Variants in PLA2G4A observed in about 807,000 individuals in gnomAD.
The protein encoded by PLA2G4A is cytosolic phospholipase A2.
In PLA2G4A, 40 loss-of-function variants were observed where a neutral mutation model predicts 81.9. The observed-to-expected ratio is 0.49, with a 90% CI of 0.38 to 0.64. PLA2G4A has a LOEUF of 0.64. PLA2G4A is among the 30% of genes least tolerant of loss of function. The pLI is 0.00. For synonymous variants in PLA2G4A, 302 were observed against 296.9 expected (o/e 1.02, Z -0.18); for missense variants, 715 against 905.1 (o/e 0.79, Z 2.69).
chr1:186,945,775 T>C (rs1026143175), intron 10 of PLA2G4A, among the ~76,000 whole-genome samples: 3 of 152,264 alleles, frequency 2.0e-5, no homozygotes, highest in Non-Finnish European at 4.4e-5. Context: ...GAGTTCTTGC[T>C]GAAGACATCA....
chr1:186,986,331 T>C (rs1362050567), intron 17 of PLA2G4A, among the ~76,000 whole-genome samples: 2 of 152,214 alleles, frequency 1.3e-5, no homozygotes, highest in Non-Finnish European at 2.9e-5. Context: ...TAAAGCTTTT[T>C]AGGTGTTTAG....
In PLA2G4A at chr1:186,863,960, C is replaced by T. The variant is rs1571344911; in HGVS notation, c.34-6475C>T. 2.0e-5 allele frequency among the ~76,000 whole-genome samples: 3 copies of T among 152,054 alleles called. No individual in the cohort carries two copies. In the South Asian group the frequency reaches 6.2e-4, roughly 32 times the overall value. On this transcript the variant is annotated intron_variant, in intron 2 of 17. Transcript: ENST00000367466. ...TATTTTTAGTAGAGATGGGGTTTCA[C>T]CATATTGGCCGGGCTGGTCTTGAAC...
At chr1:186,837,384 T>C (rs1558346023) in intron 1 of PLA2G4A, among the ~76,000 whole-genome samples, 1 of 151,744 alleles carries the variant, frequency 6.6e-6, no homozygotes, top group Non-Finnish European at 1.5e-5. Flanking sequence ...AAAAGGAATA[T>C]GGAGTCGACA....
At chr1:186,978,323 G>A (rs1217751564) in intron 16 of PLA2G4A, among the ~76,000 whole-genome samples, 3 of 151,952 alleles carry the variant, frequency 2.0e-5, no homozygotes, top group Non-Finnish European at 4.4e-5. Flanking sequence ...GTGTATCCTG[G>A]AAAATGTTGA....
At chr1:186,933,632 G>A (rs1173429615) in intron 8 of PLA2G4A, among the ~76,000 whole-genome samples, 1 of 152,060 alleles carries the variant, frequency 6.6e-6, no homozygotes, top group African/African-American at 2.4e-5. Context: ...CTAAAGATCT[G>A]CCTTGGACTT....
chr1:186,936,549 C>T (rs1332449097), intron 8 of PLA2G4A, among the ~76,000 whole-genome samples: 1 of 151,972 alleles, frequency 6.6e-6, no homozygotes, highest in Non-Finnish European at 1.5e-5. Context: ...CTTCTCAAGT[C>T]ATTCCAAATC....
chr1:186,946,325 G>A (rs1259147102), intron 10 of PLA2G4A, among the ~76,000 whole-genome samples: 1 of 152,062 alleles, frequency 6.6e-6, no homozygotes, highest in Non-Finnish European at 1.5e-5. Context: ...GCAGTTTTCA[G>A]TTTCCTGTTC....
At chr1:186,928,018 A>G (rs754694277) in intron 7 of PLA2G4A, among the ~76,000 whole-genome samples, 2 of 152,160 alleles carry the variant, frequency 1.3e-5, no homozygotes, top group African/African-American at 2.4e-5. Flanking sequence ...GTATAGGAAC[A>G]TGAACTGAGC....
chr1:186,968,594 TA>T (rs1162020120), intron 15 of PLA2G4A, among the ~76,000 whole-genome samples: 1 of 151,716 alleles, frequency 6.6e-6, no homozygotes, highest in African/African-American at 2.4e-5. Flanking sequence ...TAAAATAAAA[TA>T]AAAATATATA....
At chr1:186,936,588 C>G (rs1005111453) in intron 8 of PLA2G4A, among the ~76,000 whole-genome samples, 2 of 151,874 alleles carry the variant, frequency 1.3e-5, no homozygotes, top group African/African-American at 4.8e-5. Context: ...CACTTCTGCT[C>G]TTTTTTAAGC....
intron 15 of PLA2G4A, among the ~76,000 whole-genome samples, chr1:186,968,930 T>TA (rs74956429): frequency 0.07 from 10,685 of 151,876 alleles, 469 homozygotes; most frequent in East Asian, 0.17. Context: ...ATGATGGGGA[T>TA]AAAAAACCTC....
chr1:186,859,942 T>C (rs6688584), intron 2 of PLA2G4A, among the ~76,000 whole-genome samples: 128,365 of 152,116 alleles, frequency 0.84, 54,328 homozygotes, highest in African/African-American at 0.9. Context: ...AAGATATTTT[T>C]AGAAAAGTTA....
intron 5 of PLA2G4A, among the ~76,000 whole-genome samples, chr1:186,904,612 C>A (rs1316216340): frequency 6.6e-6 from 1 of 152,218 alleles, no homozygotes; most frequent in Non-Finnish European, 1.5e-5. Flanking sequence ...GTGACAAGAA[C>A]CTTGGCAGCA....
At chr1:186,928,334 T>C (rs1170334986) in intron 7 of PLA2G4A, among the ~76,000 whole-genome samples, 1 of 152,150 alleles carries the variant, frequency 6.6e-6, no homozygotes, top group East Asian at 1.9e-4. Context: ...CCAAGTGCTA[T>C]ATTGGCTGCC....
intron 3 of PLA2G4A, among the ~76,000 whole-genome samples, chr1:186,884,365 T>C (rs1023620609): frequency 1.1e-4 from 17 of 150,276 alleles, no homozygotes; most frequent in Non-Finnish European, 2.2e-4. Context: ...AGCAGCCATG[T>C]GGAGAATGGT....
chr1:186,831,490 G>A (rs1345397504), intron 1 of PLA2G4A, among the ~76,000 whole-genome samples: 1 of 152,030 alleles, frequency 6.6e-6, no homozygotes, highest in Non-Finnish European at 1.5e-5. Flanking sequence ...TGCTTTTATT[G>A]CCGAATGCAG....
At chr1:186,879,781 T>C (rs1487985045) in intron 3 of PLA2G4A, among the ~76,000 whole-genome samples, 1 of 151,398 alleles carries the variant, frequency 6.6e-6, no homozygotes, top group Non-Finnish European at 1.5e-5. Context: ...CTTTGAGATA[T>C]GTACTGTCTT....
chr1:186,988,661 A>G lies in PLA2G4A; in HGVS notation c.*153A>G. On this transcript the variant is annotated 3_prime_UTR_variant, in exon 18 of 18. Coordinates refer to ENST00000367466, the MANE Select transcript of PLA2G4A (RefSeq NM_024420.3). ...AGTTACTTAGCTGCATGAGAATAAT[A>G]CTATTATAAGTTAGGTTGACAAATG... The G allele has an allele frequency of 1.5e-6, 1 of 645,596 alleles. No homozygotes were observed. Among genetic ancestry groups the G allele is most frequent in the Admixed American group, 2.1e-5 (1 of 47,944 alleles). The allele number at this position is 645,596 out of a possible 1,614,324, so 40.0% of individuals were successfully genotyped here.
At chr1:186,965,631 A>G (rs779978192) in intron 15 of PLA2G4A, 38 bp downstream of exon 15, 1 of 1,412,776 alleles carries the variant, frequency 7.1e-7, no homozygotes, top group South Asian at 1.1e-5. Context: ...TCTCTACCAC[A>G]TTCTCTTGCT....
Sources: gnomAD v4.1 joint callset for allele counts (sites outside exome capture counted in the v4.1 genomes callset) on GRCh38, gnomAD v4.1.1 for gene constraint, MANE v1.5 for transcripts, NCBI Gene and HGNC (gene_info 2026-07-23, HGNC 2026-07-21) for gene names.